Variants in DACH1 observed in about 807,000 individuals in gnomAD.
DACH1 encodes dachshund family transcription factor 1.
Under a neutral mutation model 54.2 loss-of-function variants are expected in DACH1, and 12 were observed. The observed-to-expected ratio is 0.22, with a 90% CI of 0.14 to 0.36. DACH1 has a LOEUF of 0.36. DACH1 is among the 10% of genes least tolerant of loss of function. The pLI, the probability that DACH1 is intolerant of heterozygous loss-of-function variation, is 1.00. For synonymous variants in DACH1, 386 were observed against 366.2 expected, an observed-to-expected ratio of 1.05 and a Z score of -0.62; for missense variants, 805 against 929.8, an observed-to-expected ratio of 0.87 and a Z score of 1.75.
At chr13:71,532,337 G>C (rs951396769) in intron 6 of DACH1, among the ~76,000 whole-genome samples, 2 of 151,656 alleles carry the variant, frequency 1.3e-5, no homozygotes, top group African/African-American at 4.8e-5. Context: ...ACTAGGGAGA[G>C]GGAAAAAAGA....
At chr13:71,536,527 T>C (rs1882817796) in intron 6 of DACH1, among the ~76,000 whole-genome samples, 1 of 152,156 alleles carries the variant, frequency 6.6e-6, no homozygotes, top group East Asian at 1.9e-4. Flanking sequence ...TTGCATTTTT[T>C]CCTTATGCCT....
chr13:71,700,581 AAAAAGAG>A (rs1882077999), intron 1 of DACH1, among the ~76,000 whole-genome samples: 2 of 84,878 alleles, frequency 2.4e-5, no homozygotes, highest in Non-Finnish European at 2.9e-5. Flanking sequence ...AAAAAAAAAA[AAAAAGAG>A]AGAGAGAGAG....
intron 10 of DACH1, among the ~76,000 whole-genome samples, chr13:71,460,812 G>C (rs1446433231): frequency 6.6e-6 from 1 of 151,952 alleles, no homozygotes; most frequent in Non-Finnish European, 1.5e-5. Flanking sequence ...CTCCACTGCT[G>C]GTAACCCTTG....
rs1300234899 is a variant in DACH1, at chr13:71,475,668, A to C, written c.2014+38T>G. 2.5e-6 allele frequency: 4 copies of C among 1,581,890 alleles called. No individual in the cohort carries two copies. The African/African-American group carries it at 5.4e-5, about 21-fold the overall frequency. ...CCTAAACTGTCCTTTAAGCATTAAAAATGACAGTTATTCATGCAATAATAT... is the reference window on the plus strand; with the variant it reads ...CCTAAACTGTCCTTTAAGCATTAAACATGACAGTTATTCATGCAATAATAT... On this transcript the variant is annotated intron_variant, in intron 9 of 10. Coordinates refer to ENST00000613252, the MANE Select transcript of DACH1 (RefSeq NM_080759.6).
intron 2 of DACH1, among the ~76,000 whole-genome samples, chr13:71,658,058 T>C (rs1022941440): frequency 6.6e-6 from 1 of 152,204 alleles, no homozygotes; most frequent in Non-Finnish European, 1.5e-5. Flanking sequence ...AAATAAATCT[T>C]TCTGAACCAT....
At chr13:71,595,449 G>C (rs1383990969) in intron 3 of DACH1, among the ~76,000 whole-genome samples, 1 of 152,106 alleles carries the variant, frequency 6.6e-6, no homozygotes, top group Non-Finnish European at 1.5e-5. Context: ...GAGGAAGCTT[G>C]GAACTGAGTT....
chr13:71,533,915 CAGAG>C (rs1286161600), intron 6 of DACH1, among the ~76,000 whole-genome samples: 1 of 152,004 alleles, frequency 6.6e-6, no homozygotes, highest in Non-Finnish European at 1.5e-5. Context: ...CCCAGTGGCA[CAGAG>C]AGAGAAAGAC....
At chr13:71,667,986 A>C (rs1054762823) in intron 2 of DACH1, among the ~76,000 whole-genome samples, 5 of 152,122 alleles carry the variant, frequency 3.3e-5, no homozygotes, top group Admixed American at 3.3e-4. Flanking sequence ...GATAATACAA[A>C]GGGCATTTAC....
chr13:71,491,373 T>C (rs1201808550), intron 6 of DACH1, among the ~76,000 whole-genome samples: 1 of 152,134 alleles, frequency 6.6e-6, no homozygotes, highest in South Asian at 2.1e-4. Context: ...AAATTCTGTA[T>C]ATATATATGT....
At chr13:71,681,687 A>C in intron 2 of DACH1, 108 bp downstream of exon 2, 1 of 649,008 alleles carries the variant, frequency 1.5e-6, no homozygotes, top group Non-Finnish European at 2.6e-6. Flanking sequence ...TAGTGTGCAC[A>C]AAATATAATT....
At chr13:71,517,416 G>T (rs181328205) in intron 6 of DACH1, among the ~76,000 whole-genome samples, 1 of 151,838 alleles carries the variant, frequency 6.6e-6, no homozygotes, top group Admixed American at 6.6e-5. Context: ...TTGTCAACAG[G>T]AGCTTGATTA....
chr13:71,753,377 A>G (rs1273043338), intron 1 of DACH1, among the ~76,000 whole-genome samples: 1 of 152,218 alleles, frequency 6.6e-6, no homozygotes, highest in Non-Finnish European at 1.5e-5. Flanking sequence ...ACTCCTGCTG[A>G]ACCAAAGCAA....
intron 3 of DACH1, among the ~76,000 whole-genome samples, chr13:71,610,188 T>C (rs1566376262): frequency 7.0e-6 from 1 of 143,744 alleles, no homozygotes; most frequent in Non-Finnish European, 1.5e-5. Flanking sequence ...AATTAGGTTC[T>C]ATGAACCACT....
At chr13:71,464,329 CTTTAT>C (rs1016843859) in intron 10 of DACH1, among the ~76,000 whole-genome samples, 5 of 151,862 alleles carry the variant, frequency 3.3e-5, no homozygotes, top group East Asian at 1.9e-4. Context: ...ATTGAACTTT[CTTTAT>C]TTTAAAGTGT....
chr13:71,555,534 G>A (rs888747021), intron 6 of DACH1, among the ~76,000 whole-genome samples: 5 of 151,810 alleles, frequency 3.3e-5, no homozygotes, highest in African/African-American at 1.2e-4. Flanking sequence ...AGTAGAGACG[G>A]AGTTTCACCA....
chr13:71,637,163 A>C (rs928574026), intron 2 of DACH1, among the ~76,000 whole-genome samples: 4 of 152,056 alleles, frequency 2.6e-5, no homozygotes, highest in African/African-American at 7.2e-5. Flanking sequence ...AGATGCATCT[A>C]ACTTATCTGG....
At chr13:71,718,846 T>G (rs1883104154) in intron 1 of DACH1, among the ~76,000 whole-genome samples, 1 of 152,294 alleles carries the variant, frequency 6.6e-6, no homozygotes, top group East Asian at 1.9e-4. Context: ...ATTAGGTGCA[T>G]ATTTCCTTAG....
intron 1 of DACH1, among the ~76,000 whole-genome samples, chr13:71,824,604 GCAACTAGAGTTTTT>G (rs1272405878): frequency 6.6e-6 from 1 of 151,960 alleles, no homozygotes; most frequent in Non-Finnish European, 1.5e-5. Flanking sequence ...TCCTAGGTCT[GCAACTAGAGTTTTT>G]CTTTTGGCTA....
intron 7 of DACH1, among the ~76,000 whole-genome samples, chr13:71,480,856 C>T (rs989284678): frequency 8.5e-5 from 13 of 152,140 alleles, no homozygotes; most frequent in African/African-American, 3.1e-4. Flanking sequence ...ACAAATTATT[C>T]CATATTTGCT....
Sources: gnomAD v4.1 joint callset for allele counts (sites outside exome capture counted in the v4.1 genomes callset) on GRCh38, gnomAD v4.1.1 for gene constraint, MANE v1.5 for transcripts, NCBI Gene and HGNC (gene_info 2026-07-23, HGNC 2026-07-21) for gene names.